The following FOXN3 variants were observed in gnomAD, a reference collection of about 807,000 sequenced individuals.
FOXN3 encodes forkhead box N3, also known as forkhead box protein N3.
FOXN3 carries 7 observed loss-of-function variants against 38.4 expected under a neutral mutation model. The observed-to-expected ratio is 0.18, with a 90% CI of 0.10 to 0.34. FOXN3 has a LOEUF of 0.34. Ranked by LOEUF, FOXN3 falls within the 10% of genes least tolerant of loss-of-function variation. The pLI is 1.00. For missense variants in FOXN3, 456 were observed against 613.4 expected, an observed-to-expected ratio of 0.74 and a Z score of 2.71; for synonymous variants, 230 against 242.2, an observed-to-expected ratio of 0.95 and a Z score of 0.47.
At chr14:89,350,893 C>G (rs1888939868) in intron 2 of FOXN3, 85 bp from the exon 3 acceptor site, 1 of 1,032,228 alleles carries the variant, frequency 9.7e-7, no homozygotes, top group Admixed American at 3.3e-5. Flanking sequence ...ATTATCACTT[C>G]TTTATTTTTA....
intron 1 of FOXN3, among the ~76,000 whole-genome samples, chr14:89,473,486 G>A (rs1893150638): frequency 6.7e-6 from 1 of 149,166 alleles, no homozygotes; most frequent in South Asian, 2.1e-4. Flanking sequence ...TGTGGTGCTC[G>A]CACCTCAGCC....
chr14:89,579,152 T>C (rs1895694908), intron 1 of FOXN3, among the ~76,000 whole-genome samples: 1 of 2,560 alleles, frequency 3.9e-4, no homozygotes, highest in African/African-American at 0.01. Flanking sequence ...GCCCAGCCAT[T>C]TTTTTTTTTT....
intron 1 of FOXN3, among the ~76,000 whole-genome samples, chr14:89,431,705 C>A (rs1206763841): frequency 1.3e-5 from 2 of 152,138 alleles, no homozygotes; most frequent in African/African-American, 4.8e-5. Flanking sequence ...TGCCCCAACA[C>A]AAGCATAGTG....
At position 89,360,775 on chromosome 14, in the gene FOXN3, C is replaced by CCAG. The variant is rs1400654570; in HGVS notation, c.544-9968_544-9967insCTG. On this transcript the variant is annotated intron_variant, in intron 2 of 5. Transcript: ENST00000557258. Reference sequence around the variant, plus strand: ...ACCACCACCTCCACCACTACCACCTCCACCACCACCTCCACCACCACCACC... The same window carrying CCAG: ...ACCACCACCTCCACCACTACCACCTCCAGCACCACCACCTCCACCACCACCACC... 3.1e-4 allele frequency among the ~76,000 whole-genome samples: 26 copies of CCAG among 85,060 alleles called. 1 individual carries two copies. The highest frequency in any genetic ancestry group is 4.6e-4 in the South Asian group (1 of 2,182). 55.8% of individuals were successfully genotyped at this position (85,060 alleles called of 152,430 possible). A position where few individuals can be genotyped will look rare whatever the true frequency, so the allele number is the denominator to read the frequency against.
chr14:89,423,610 A>T (rs910631753), intron 1 of FOXN3, among the ~76,000 whole-genome samples: 1 of 152,220 alleles, frequency 6.6e-6, no homozygotes, highest in Non-Finnish European at 1.5e-5. Context: ...AAAAGGGGCA[A>T]ATTCACAAAA....
intron 1 of FOXN3, among the ~76,000 whole-genome samples, chr14:89,443,412 TG>T (rs1892427971): frequency 6.6e-6 from 1 of 152,136 alleles, no homozygotes; most frequent in Non-Finnish European, 1.5e-5. Flanking sequence ...CTCCAGGACA[TG>T]GGACTTCAGT....
intron 4 of FOXN3, among the ~76,000 whole-genome samples, chr14:89,246,539 C>A (rs1297046386): frequency 1.3e-4 from 5 of 38,494 alleles, no homozygotes; most frequent in African/African-American, 3.6e-4. Context: ...TTGCAGGATG[C>A]GGCTTTTTTT....
At chr14:89,468,410 A>C (rs58871155) in intron 1 of FOXN3, among the ~76,000 whole-genome samples, 2,535 of 152,128 alleles carry the variant, frequency 0.017, 60 homozygotes, top group African/African-American at 0.057. Flanking sequence ...GCCGAGATCA[A>C]GCCACTGCAC....
In FOXN3 at chr14:89,484,560, G is replaced by A. The variant is rs969897240; in HGVS notation, c.-14-72070C>T. 8.5e-5 allele frequency among the ~76,000 whole-genome samples: 13 copies of A among 152,246 alleles called. No individual in the cohort carries two copies. Among genetic ancestry groups the A allele is most frequent in the African/African-American group, 2.4e-4 (10 of 41,470 alleles). Reference sequence around the variant, plus strand: ...GTACATTGGCGATGCACAGACAGGCGGCAGGCAGTATTTGGCCCCTGGGCC... The same window carrying A: ...GTACATTGGCGATGCACAGACAGGCAGCAGGCAGTATTTGGCCCCTGGGCC... On this transcript the variant is annotated intron_variant, in intron 1 of 6. Transcript: ENST00000345097. This position sits in a 1 kb window ranked among gnomAD's most constrained non-coding sequence, Gnocchi z 4.0.
At chr14:89,473,248 T>A (rs1893143907) in intron 1 of FOXN3, among the ~76,000 whole-genome samples, 1 of 151,868 alleles carries the variant, frequency 6.6e-6, no homozygotes, top group Non-Finnish European at 1.5e-5. Flanking sequence ...ATGGGCTTGA[T>A]CTCCTGACCT....
chr14:89,427,472 AT>A (rs1195606471), intron 1 of FOXN3, among the ~76,000 whole-genome samples: 1,548 of 124,848 alleles, frequency 0.012, 9 homozygotes, highest in African/African-American at 0.024. Context: ...CGCCCGGCTG[AT>A]TTTTTTTTTT....
intron 3 of FOXN3, among the ~76,000 whole-genome samples, chr14:89,300,318 G>T (rs1010082585): frequency 6.6e-6 from 1 of 151,870 alleles, no homozygotes; most frequent in Non-Finnish European, 1.5e-5. Context: ...AAGTAGTTGG[G>T]ATTACAGGCA....
chr14:89,474,655 G>A (rs186092738), intron 1 of FOXN3, among the ~76,000 whole-genome samples: 13 of 152,210 alleles, frequency 8.5e-5, no homozygotes, highest in Admixed American at 7.2e-4. Context: ...ATAAATAGCA[G>A]CTTGTTGACA....
rs961809617 is a variant in FOXN3, at chr14:89,386,666, A to G, written c.543+25268T>C. Among the ~76,000 whole-genome samples the G allele has an allele frequency of 5.9e-5, 9 of 152,286 alleles. No homozygotes were observed. In the South Asian group the frequency reaches 8.3e-4, roughly 14 times the overall value. On this transcript the variant is annotated intron_variant, in intron 2 of 5. Coordinates refer to ENST00000557258, the MANE Select transcript of FOXN3 (RefSeq NM_005197.4). ...TCTATTAGTCAGCTCAGACTACCAG[A>G]ACAAAATACCACAGACTGCGTGGCT...
At chr14:89,528,302 T>C (rs1024792811) in intron 1 of FOXN3, among the ~76,000 whole-genome samples, 11 of 145,988 alleles carry the variant, frequency 7.5e-5, no homozygotes, top group African/African-American at 2.8e-4. Context: ...CAAACTGTGA[T>C]ATATCCATAC....
chr14:89,172,579 G>A (rs930390240), intron 5 of FOXN3, among the ~76,000 whole-genome samples: 9 of 152,096 alleles, frequency 5.9e-5, no homozygotes, highest in East Asian at 5.8e-4. Flanking sequence ...AAAAGAACAA[G>A]GTGAGAGAAC....
chr14:89,294,290 C>T (rs1336391738), intron 3 of FOXN3, among the ~76,000 whole-genome samples: 24 of 152,182 alleles, frequency 1.6e-4, no homozygotes, highest in Admixed American at 1.4e-3. Flanking sequence ...GGCTTGCCAA[C>T]GTGGAGAGGT....
At chr14:89,296,883 C>T (rs1005830781) in intron 3 of FOXN3, among the ~76,000 whole-genome samples, 3 of 152,124 alleles carry the variant, frequency 2.0e-5, no homozygotes, top group Non-Finnish European at 2.9e-5. Flanking sequence ...GTCATCCACC[C>T]GCCTCGGCCT....
intron 3 of FOXN3, among the ~76,000 whole-genome samples, chr14:89,314,994 C>A (rs187371683): frequency 7.6e-4 from 115 of 152,112 alleles, no homozygotes; most frequent in Admixed American, 1.1e-3. Context: ...GGTCACCTCC[C>A]CAGTAATCAT....
Sources: allele counts gnomAD v4.1 joint callset (sites outside exome capture counted in the v4.1 genomes callset), GRCh38; gene constraint gnomAD v4.1.1; non-coding constraint Gnocchi (gnomAD v3.1); transcripts MANE v1.5; gene names NCBI Gene and HGNC (gene_info 2026-07-23, HGNC 2026-07-21).